NSDHL: variants seen among roughly 807,000 people sequenced by gnomAD.
The protein encoded by NSDHL is sterol-4-alpha-carboxylate 3-dehydrogenase, decarboxylating.
NSDHL carries 1 observed loss-of-function variant against 23.0 expected under a neutral mutation model. The observed-to-expected ratio is 0.04, with a 90% CI of 0.02 to 0.21. NSDHL has a LOEUF of 0.21. NSDHL is among the 10% of genes least tolerant of loss of function. NSDHL has a pLI of 1.00. For synonymous variants in NSDHL, 128 were observed against 121.1 expected, an observed-to-expected ratio of 1.06 and a Z score of -0.37; for missense variants, 237 against 300.9, an observed-to-expected ratio of 0.79 and a Z score of 1.57.
intron 1 of NSDHL, among the ~76,000 whole-genome samples, chrX:152,834,052 C>T (rs1301800174): frequency 8.0e-5 from 9 of 112,615 alleles, no homozygotes; most frequent in East Asian, 5.6e-4. Flanking sequence ...AGCGGCAGCA[C>T]GATAATTCAC....
intron 1 of NSDHL, chrX:152,831,560 G>C (rs1556843416): frequency 1.7e-5 from 2 of 118,230 alleles, no homozygotes; most frequent in African/African-American, 6.5e-5. Context: ...AAAGGAGTGA[G>C]GGGGATGTGA....
intron 1 of NSDHL, among the ~76,000 whole-genome samples, chrX:152,837,449 T>C (rs1399223892): frequency 3.6e-5 from 4 of 111,831 alleles, no homozygotes; most frequent in Non-Finnish European, 7.5e-5. Context: ...AAGTAGCTCT[T>C]ATTATTTTGA....
At chrX:152,844,202 T>C (rs1298354544) in intron 1 of NSDHL, among the ~76,000 whole-genome samples, 3 of 112,356 alleles carry the variant, frequency 2.7e-5, no homozygotes, top group Admixed American at 9.3e-5. Context: ...TGAGGCCATT[T>C]ACTTTACATA....
intron 6 of NSDHL, 123 bp downstream of exon 6, chrX:152,866,084 A>C (rs926677761): frequency 1.2e-6 from 1 of 802,189 alleles, no homozygotes; most frequent in East Asian, 3.2e-5. Context: ...TGGTCCATGC[A>C]GGCTGCTGTA....
At chrX:152,840,561 A>T (rs150126560) in intron 1 of NSDHL, among the ~76,000 whole-genome samples, 1 of 111,795 alleles carries the variant, frequency 8.9e-6, no homozygotes. Flanking sequence ...CAGTCAGGTC[A>T]CTCAGCTGCA....
chrX:152,837,804 G>T (rs1933123060), intron 1 of NSDHL, among the ~76,000 whole-genome samples: 1 of 111,884 alleles, frequency 8.9e-6, no homozygotes, highest in African/African-American at 3.3e-5. Context: ...GATGATGCTG[G>T]CCTCATAAAA....
intron 5 of NSDHL, among the ~76,000 whole-genome samples, chrX:152,865,501 G>A (rs1933592338): frequency 8.8e-6 from 1 of 113,082 alleles, no homozygotes; most frequent in Non-Finnish European, 1.9e-5. Context: ...CATGTCTTCT[G>A]GCAGTGTTGG....
chrX:152,863,034 C>T (rs1456296893), intron 5 of NSDHL, among the ~76,000 whole-genome samples: 3 of 110,158 alleles, frequency 2.7e-5, no homozygotes, highest in Non-Finnish European at 3.8e-5. Flanking sequence ...TGGTGGCAGG[C>T]GCCTGTAATC....
intron 2 of NSDHL, among the ~76,000 whole-genome samples, chrX:152,848,959 C>T (rs191004708): frequency 9.5e-4 from 107 of 112,146 alleles, no homozygotes; most frequent in African/African-American, 3.1e-3. Flanking sequence ...CAGAATAAAG[C>T]CTAGAAAAGA....
At chrX:152,867,724 TCTC>T (rs782726224) in intron 7 of NSDHL, 51 bp downstream of exon 7, 19 of 913,811 alleles carry the variant, frequency 2.1e-5, no homozygotes, top group Non-Finnish European at 2.9e-5. Flanking sequence ...GCGGGTTTCT[TCTC>T]CTTGCCATTG....
chrX:152,867,833 G>A (rs185966158), intron 7 of NSDHL, among the ~76,000 whole-genome samples, 160 bp downstream of exon 7: 31 of 112,167 alleles, frequency 2.8e-4, no homozygotes, highest in African/African-American at 9.4e-4. Context: ...AGAGCATGTG[G>A]TGTCACTGCA....
intron 3 of NSDHL, among the ~76,000 whole-genome samples, chrX:152,851,076 A>T (rs1933348917): frequency 8.9e-6 from 1 of 112,314 alleles, no homozygotes; most frequent in Non-Finnish European, 1.9e-5. Context: ...TTCAAGCTTC[A>T]TCCATGTTGT....
intron 1 of NSDHL, among the ~76,000 whole-genome samples, chrX:152,832,653 G>C (rs1196875889): frequency 9.0e-6 from 1 of 111,672 alleles, no homozygotes; most frequent in East Asian, 2.8e-4. Flanking sequence ...TTCCCAGTCC[G>C]TCAACCTGCA....
At chrX:152,862,856 A>G (rs1933549086) in intron 5 of NSDHL, 132 bp downstream of exon 5, 1 of 691,575 alleles carries the variant, frequency 1.4e-6, no homozygotes. Context: ...TGTGGGTGAA[A>G]TTAAATTTAA....
chrX:152,861,028 C>G (rs1274106945), intron 4 of NSDHL, among the ~76,000 whole-genome samples: 1 of 111,888 alleles, frequency 8.9e-6, no homozygotes, highest in Non-Finnish European at 1.9e-5. Context: ...GCATATGTAA[C>G]TCTGGTTTAT....
chrX:152,857,605 A>C (rs1489011154), intron 3 of NSDHL, among the ~76,000 whole-genome samples: 5 of 112,353 alleles, frequency 4.5e-5, no homozygotes, highest in African/African-American at 1.6e-4. Flanking sequence ...AGACCTGAGG[A>C]CTAAATACTA....
At position 152,868,866 on chromosome X, in the gene NSDHL, C is replaced by T; in HGVS notation, c.872C>T (p.Pro291Leu). ...CTGACAGGCCTCAATTATGAGGCCC[C>T]CAAGTACCACATCCCCTACTGGGTG... The part of the protein sequence containing the change: ...RILTGLNYEA[P>L]KYHIPYWVAY... Residue 291 changes from proline to leucine, a missense_variant, in exon 8 of 8, where the codon CCC becomes CTC. Pro to Leu is a moderately conservative substitution (Grantham distance 98, BLOSUM62 -3). Around this residue, in one of 3 missense-constraint regions of NSDHL, gnomAD observed 117 missense variants for 99.5 expected, o/e 1.18. Transcript: ENST00000370274. 3 of 1,210,722 alleles carry T rather than the reference C, an allele frequency of 2.5e-6. No individual in the cohort carries two copies. Among genetic ancestry groups the T allele is most frequent in the East Asian group, 3.0e-5 (1 of 33,842 alleles).
rs186130711 is a variant in NSDHL, at chrX:152,860,918, G to C, written c.415-1678G>C. Among the ~76,000 whole-genome samples, 178 of 111,836 alleles carry C rather than the reference G, an allele frequency of 1.6e-3. 1 individual carries two copies. The highest frequency in any genetic ancestry group is 5.6e-3 in the African/African-American group (172 of 30,777). ...CATGTGTAAGCAATATAAAGTATTG[G>C]ATTGCATGTTATAAGATTTTATACA... On this transcript the variant is annotated intron_variant, in intron 4 of 7. Transcript: ENST00000370274.
At chrX:152,837,560 G>T (rs1274774211) in intron 1 of NSDHL, among the ~76,000 whole-genome samples, 7 of 112,019 alleles carry the variant, frequency 6.2e-5, no homozygotes, top group Non-Finnish European at 1.1e-4. Context: ...TAATCATGTG[G>T]TTTTTGTCTT....
Sources: gnomAD v4.1 joint callset for allele counts (sites outside exome capture counted in the v4.1 genomes callset) on GRCh38, gnomAD v4.1.1 for gene constraint, gnomAD v4.1.1 regional missense constraint, MANE v1.5 for transcripts, NCBI Gene and HGNC (gene_info 2026-07-23, HGNC 2026-07-21) for gene names.